CACNB4: variants seen among roughly 807,000 people sequenced by gnomAD.
The protein encoded by CACNB4 is calcium voltage-gated channel auxiliary subunit beta 4, also known as voltage-dependent L-type calcium channel subunit beta-4.
CACNB4 carries 32 observed loss-of-function variants against 71.2 expected under a neutral mutation model. The ratio of observed to expected loss-of-function variants is 0.45; its 90% CI spans 0.34 to 0.60. The LOEUF (loss-of-function observed/expected upper bound fraction) is 0.60, where lower values mean the gene tolerates loss of function less well. CACNB4 is among the 20% of genes least tolerant of loss of function. The pLI is 0.01. For missense variants in CACNB4, 464 were observed against 647.9 expected, an observed-to-expected ratio of 0.72 and a Z score of 3.08; for synonymous variants, 231 against 236.9, an observed-to-expected ratio of 0.97 and a Z score of 0.23.
chr2:151,849,487 T>G (rs1056440933), intron 12 of CACNB4, among the ~76,000 whole-genome samples: 1 of 152,222 alleles, frequency 6.6e-6, no homozygotes, highest in Admixed American at 6.5e-5. Context: ...CACAGCTCAG[T>G]GCAGCCTTGA....
intron 2 of CACNB4, among the ~76,000 whole-genome samples, chr2:151,947,754 AG>A (rs762674815): frequency 6.6e-6 from 1 of 152,198 alleles, no homozygotes; most frequent in East Asian, 1.9e-4. Context: ...CACTTCCTGC[AG>A]GCACCTGCCC....
At chr2:152,063,807 C>T (rs924781598) in intron 2 of CACNB4, among the ~76,000 whole-genome samples, 1 of 152,236 alleles carries the variant, frequency 6.6e-6, no homozygotes, top group East Asian at 1.9e-4. Context: ...CCATCAGCTC[C>T]GAATGTCTTC....
chr2:151,878,158 T>A (rs1291796465), intron 4 of CACNB4, among the ~76,000 whole-genome samples: 1 of 152,114 alleles, frequency 6.6e-6, no homozygotes, highest in East Asian at 1.9e-4. Flanking sequence ...GTAGTATATT[T>A]TGCTGAGCTC....
At chr2:151,957,257 C>CGTGTATATGTGT (rs3068823) in intron 2 of CACNB4, among the ~76,000 whole-genome samples, 11 of 131,870 alleles carry the variant, frequency 8.3e-5, no homozygotes, top group Admixed American at 7.8e-4. Flanking sequence ...AGTGGCTGGG[C>CGTGTATATGTGT]GTGTGTGTGT....
At chr2:151,977,086 T>C (rs1257410377) in intron 2 of CACNB4, among the ~76,000 whole-genome samples, 3 of 152,218 alleles carry the variant, frequency 2.0e-5, no homozygotes, top group Non-Finnish European at 4.4e-5. Flanking sequence ...TTTGAAAACC[T>C]TGGGGCTCAT....
chr2:152,063,618 A>G (rs983238630), intron 2 of CACNB4, among the ~76,000 whole-genome samples: 1 of 152,242 alleles, frequency 6.6e-6, no homozygotes, highest in Non-Finnish European at 1.5e-5. Flanking sequence ...TGCATATTAC[A>G]TAATTTCAAG....
Position 152,035,651 on chromosome 2 carries a change from C to CTCTATATA in CACNB4, c.147+62678_147+62679insTATATAGA, listed in dbSNP as rs796161186. 5.1e-3 allele frequency among the ~76,000 whole-genome samples: 598 copies of CTCTATATA among 118,034 alleles called. 6 individuals are homozygous for CTCTATATA. The highest frequency in any genetic ancestry group is 0.012 in the East Asian group (50 of 4,146). The allele number at this position is 118,034 out of a possible 152,430, so 77.4% of individuals were successfully genotyped here. ...TCTCCCTCTCTCTCTCTCTCTCTCT[C>CTCTATATA]TATATATATATATATATGTATGTAT... On this transcript the variant is annotated intron_variant, in intron 2 of 13. Transcript: ENST00000539935.
chr2:152,068,762 G>A (rs888699856), intron 2 of CACNB4, among the ~76,000 whole-genome samples: 9 of 152,180 alleles, frequency 5.9e-5, no homozygotes, highest in Admixed American at 4.6e-4. Context: ...ATATGAGACC[G>A]AAGAATCCAC....
chr2:151,862,062 C>T (rs1480139323), intron 9 of CACNB4, among the ~76,000 whole-genome samples: 1 of 152,166 alleles, frequency 6.6e-6, no homozygotes. Flanking sequence ...CCATTCTCAT[C>T]TTCACAGCAT....
chr2:151,936,873 G>A (rs533688367), intron 2 of CACNB4, among the ~76,000 whole-genome samples: 2 of 152,174 alleles, frequency 1.3e-5, no homozygotes, highest in South Asian at 4.1e-4. Flanking sequence ...ACAAACCTTC[G>A]AAAAACCCTC....
At chr2:152,095,016 G>C (rs372175189) in intron 2 of CACNB4, among the ~76,000 whole-genome samples, 1 of 152,180 alleles carries the variant, frequency 6.6e-6, no homozygotes, top group African/African-American at 2.4e-5. Flanking sequence ...GAAAGCCTTT[G>C]TGTGTACTTT....
At chr2:151,938,528 A>G (rs1578878201) in intron 2 of CACNB4, among the ~76,000 whole-genome samples, 1 of 152,190 alleles carries the variant, frequency 6.6e-6, no homozygotes, top group Admixed American at 6.5e-5. Flanking sequence ...AGCACAGGGT[A>G]TCATTGGTGC....
intron 2 of CACNB4, among the ~76,000 whole-genome samples, chr2:151,983,849 C>T (rs1205280569): frequency 1.3e-5 from 2 of 152,138 alleles, no homozygotes; most frequent in African/African-American, 2.4e-5. Context: ...CACGGCACCC[C>T]TATAGTCACT....
intron 2 of CACNB4, among the ~76,000 whole-genome samples, chr2:151,985,070 C>T (rs188822054): frequency 9.2e-5 from 14 of 152,138 alleles, no homozygotes; most frequent in Admixed American, 7.9e-4. Flanking sequence ...TATTTTTTTG[C>T]TGATTATAAA....
At chr2:152,062,978 A>G (rs1359255009) in intron 2 of CACNB4, among the ~76,000 whole-genome samples, 1 of 152,210 alleles carries the variant, frequency 6.6e-6, no homozygotes, top group Non-Finnish European at 1.5e-5. Flanking sequence ...ATCCACGCAG[A>G]GGAGGATCAG....
At position 151,836,380 on chromosome 2, in the gene CACNB4, A is replaced by G. The variant is rs952895592; in HGVS notation, c.*2739T>C. 1 of 151,910 alleles carries G rather than the reference A, an allele frequency of 6.6e-6. No individual in the cohort carries two copies. Among genetic ancestry groups the G allele is most frequent in the African/African-American group, 2.4e-5 (1 of 41,448 alleles). The allele number at this position is 151,910 out of a possible 1,614,324, so 9.4% of individuals were successfully genotyped here. On this transcript the variant is annotated 3_prime_UTR_variant, in exon 14 of 14. Coordinates refer to ENST00000539935, the MANE Select transcript of CACNB4 (RefSeq NM_000726.5). ...TTCAAAGGTGCTTGGTGTGCTTGGCAAAAATAAAACTTTTCATTTAGTATA... is the reference window on the plus strand; with the variant it reads ...TTCAAAGGTGCTTGGTGTGCTTGGCGAAAATAAAACTTTTCATTTAGTATA...
At chr2:152,013,597 C>T (rs1340882813) in intron 2 of CACNB4, among the ~76,000 whole-genome samples, 1 of 151,982 alleles carries the variant, frequency 6.6e-6, no homozygotes, top group African/African-American at 2.4e-5. Flanking sequence ...ACGCAGGGGG[C>T]CAAATTGAGC....
At chr2:151,848,807 T>C (rs2099838275) in intron 12 of CACNB4, among the ~76,000 whole-genome samples, 2 of 152,234 alleles carry the variant, frequency 1.3e-5, no homozygotes, top group South Asian at 2.1e-4. Flanking sequence ...TTCATTTATA[T>C]GTTCAATTGT....
At chr2:152,086,709 A>G (rs1192288640) in intron 2 of CACNB4, among the ~76,000 whole-genome samples, 1 of 152,204 alleles carries the variant, frequency 6.6e-6, no homozygotes, top group Non-Finnish European at 1.5e-5. Context: ...AACCATTTCT[A>G]TTGTTCATAT....
Sources: gnomAD v4.1 joint callset for allele counts (sites outside exome capture counted in the v4.1 genomes callset) on GRCh38, gnomAD v4.1.1 for gene constraint, MANE v1.5 for transcripts, NCBI Gene and HGNC (gene_info 2026-07-23, HGNC 2026-07-21) for gene names.